The following WWOX variants were observed in gnomAD, a reference collection of about 807,000 sequenced individuals.
WWOX encodes WW domain containing oxidoreductase, also known as WW domain-containing oxidoreductase.
A neutral mutation model predicts 46.2 loss-of-function variants in WWOX; 69 were observed. That is an observed-to-expected ratio of 1.49 (90% CI 1.23 to 1.82). The LOEUF is 1.82. WWOX is among the 40% of genes most tolerant of loss of function. The probability of loss-of-function intolerance (pLI) is 0.00; values close to 1 mark genes in which losing one functional copy is unlikely to be tolerated. For missense variants in WWOX, 919 were observed against 542.6 expected, an observed-to-expected ratio of 1.69 and a Z score of -6.89; for synonymous variants, 359 against 202.6, an observed-to-expected ratio of 1.77 and a Z score of -6.56.
At chr16:78,247,642 A>C (rs113751193) in intron 5 of WWOX, among the ~76,000 whole-genome samples, 102 of 152,268 alleles carry the variant, frequency 6.7e-4, no homozygotes, top group African/African-American at 2.4e-3. Context: ...ATAAAAGCTC[A>C]TGGTTCCATG....
At chr16:79,111,722 G>T (rs999189918) in intron 8 of WWOX, among the ~76,000 whole-genome samples, 5 of 152,122 alleles carry the variant, frequency 3.3e-5, no homozygotes, top group African/African-American at 1.2e-4. Context: ...AAGATCAGGA[G>T]GTCACAGTGA....
intron 4 of WWOX, among the ~76,000 whole-genome samples, chr16:78,152,470 C>A (rs547391871): frequency 1.3e-5 from 2 of 152,312 alleles, no homozygotes; most frequent in South Asian, 2.1e-4. Flanking sequence ...TATGTCCCAA[C>A]TGCCCCCAAA....
At chr16:78,262,744 CAGAT>C (rs2079273402) in intron 5 of WWOX, among the ~76,000 whole-genome samples, 2 of 152,170 alleles carry the variant, frequency 1.3e-5, no homozygotes, top group African/African-American at 4.8e-5. Context: ...TCTGTGATGA[CAGAT>C]AGCCCCTGGA....
chr16:78,635,801 T>C (rs2046553088), intron 8 of WWOX, among the ~76,000 whole-genome samples: 1 of 152,154 alleles, frequency 6.6e-6, no homozygotes, highest in South Asian at 2.1e-4. Flanking sequence ...GAAAAACAGC[T>C]AGTGGAAGGC....
chr16:78,920,642 C>A (rs974257703), intron 8 of WWOX, among the ~76,000 whole-genome samples: 15 of 152,228 alleles, frequency 9.9e-5, no homozygotes, highest in South Asian at 2.1e-4. Flanking sequence ...GGTACCTGAC[C>A]TGCTTGATTC....
rs2044096037 is a variant in WWOX at position 78,870,182 on chromosome 16, C to T, written c.1057-341426C>T. On this transcript the variant is annotated intron_variant, in intron 8 of 8. Transcript: ENST00000566780. ...GCTTTCCGTCTCCTAACCCTAAGAT[C>T]CTGGATGGCAGGTAATCTGCTTCCT... 2.0e-5 allele frequency among the ~76,000 whole-genome samples: 3 copies of T among 152,292 alleles called. No homozygotes were observed. The South Asian group carries it at 6.2e-4, about 32-fold the overall frequency.
intron 8 of WWOX, chr16:79,206,781 G>C (rs1240578931): frequency 6.6e-6 from 1 of 152,128 alleles, no homozygotes; most frequent in Non-Finnish European, 1.5e-5. Flanking sequence ...GAAGAAGAGG[G>C]TGACTTACTG....
At chr16:78,164,159 C>G (rs1259896256) in intron 4 of WWOX, 24 bp from the exon 5 acceptor site, 4 of 1,604,720 alleles carry the variant, frequency 2.5e-6, no homozygotes, top group Non-Finnish European at 3.4e-6. Flanking sequence ...TGTTTTCTAA[C>G]ATTGACTTTC....
intron 6 of WWOX, among the ~76,000 whole-genome samples, chr16:78,406,868 C>T (rs766461360): frequency 3.3e-5 from 5 of 152,116 alleles, no homozygotes; most frequent in Non-Finnish European, 7.4e-5. Flanking sequence ...TCAAGTGATC[C>T]GCCCGCTTCA....
intron 8 of WWOX, among the ~76,000 whole-genome samples, chr16:78,555,329 C>G (rs750208864): frequency 6.6e-6 from 1 of 152,158 alleles, no homozygotes; most frequent in African/African-American, 2.4e-5. Flanking sequence ...CTAATACTCA[C>G]ATTTCCCAAA....
intron 8 of WWOX, chr16:78,691,165 G>C (rs1389632402): frequency 2.9e-6 from 2 of 693,162 alleles, no homozygotes; most frequent in East Asian, 2.7e-5. Flanking sequence ...ATTTCCCCCA[G>C]TGTTTGTGCG....
At chr16:79,158,903 C>T (rs1178141076) in intron 8 of WWOX, among the ~76,000 whole-genome samples, 2 of 152,160 alleles carry the variant, frequency 1.3e-5, no homozygotes, top group South Asian at 2.1e-4. Context: ...GCTGTAGTCC[C>T]AGTTCCTACA....
intron 8 of WWOX, among the ~76,000 whole-genome samples, chr16:78,934,536 C>G (rs1404535292): frequency 8.0e-6 from 1 of 125,390 alleles, no homozygotes; most frequent in African/African-American, 2.9e-5. Flanking sequence ...AAAAAAGAAA[C>G]ACAACTTACC....
intron 8 of WWOX, among the ~76,000 whole-genome samples, chr16:78,616,919 C>G (rs1008600570): frequency 1.9e-4 from 29 of 152,168 alleles, no homozygotes; most frequent in African/African-American, 6.8e-4. Flanking sequence ...GGGACACATT[C>G]AGACCACAAT....
chr16:78,793,578 T>A (rs1049992595), intron 8 of WWOX, among the ~76,000 whole-genome samples: 1 of 152,184 alleles, frequency 6.6e-6, no homozygotes, highest in African/African-American at 2.4e-5. Context: ...AACACAGCTG[T>A]AGTACATAAG....
At chr16:78,933,051 C>A (rs1271537602) in intron 8 of WWOX, among the ~76,000 whole-genome samples, 2 of 152,176 alleles carry the variant, frequency 1.3e-5, no homozygotes, top group African/African-American at 4.8e-5. Context: ...AGACAGAGGG[C>A]TGGACTGGGG....
chr16:78,339,521 G>T (rs1189372898), intron 5 of WWOX, among the ~76,000 whole-genome samples: 1 of 119,796 alleles, frequency 8.3e-6, no homozygotes, highest in Non-Finnish European at 2.0e-5. Flanking sequence ...TGTACCCGGA[G>T]TTGGAACTTC....
At chr16:78,688,601 C>T (rs2047915359) in intron 8 of WWOX, among the ~76,000 whole-genome samples, 1 of 152,162 alleles carries the variant, frequency 6.6e-6, no homozygotes, top group African/African-American at 2.4e-5. Flanking sequence ...ATCCTTCCAG[C>T]CACTGCTTCT....
At chr16:78,130,866 G>C (rs1002971895) in intron 4 of WWOX, among the ~76,000 whole-genome samples, 1 of 152,224 alleles carries the variant, frequency 6.6e-6, no homozygotes, top group Non-Finnish European at 1.5e-5. Flanking sequence ...GAATGACAGA[G>C]ATATGATCTG....
Sources: allele counts gnomAD v4.1 joint callset (sites outside exome capture counted in the v4.1 genomes callset), GRCh38; gene constraint gnomAD v4.1.1; transcripts MANE v1.5; gene names NCBI Gene and HGNC (gene_info 2026-07-23, HGNC 2026-07-21).